MAGEC3: variants seen among roughly 807,000 people sequenced by gnomAD.
The protein encoded by MAGEC3 is MAGE family member C3.
A neutral mutation model predicts 35.3 loss-of-function variants in MAGEC3; 34 were observed. The observed-to-expected ratio is 0.96, with a 90% CI of 0.73 to 1.28. The LOEUF (loss-of-function observed/expected upper bound fraction) is 1.28. Ranked by LOEUF, MAGEC3 falls within the 50% of genes most tolerant of loss-of-function variation. The pLI, the probability that MAGEC3 is intolerant of heterozygous loss-of-function variation, is 0.00. For synonymous variants in MAGEC3, 202 were observed against 185.6 expected (o/e 1.09, Z -0.72); for missense variants, 561 against 483.6 (o/e 1.16, Z -1.50).
chrX:141,848,416 C>T (rs1189642924), intron 1 of MAGEC3, among the ~76,000 whole-genome samples: 1 of 110,791 alleles, frequency 9.0e-6, no homozygotes, highest in Non-Finnish European at 1.9e-5. Flanking sequence ...AACTAATAAA[C>T]GACTTTAGTA....
chrX:141,864,099 C>A (rs1326457387), intron 1 of MAGEC3, among the ~76,000 whole-genome samples: 2 of 110,547 alleles, frequency 1.8e-5, no homozygotes, highest in African/African-American at 6.6e-5. Flanking sequence ...GGATGCACCT[C>A]AATTTGTTAA....
Position 141,880,836 on chromosome X carries a change from T to C in MAGEC3, c.516-567T>C, listed in dbSNP as rs768849072. On this transcript the variant is annotated intron_variant, in intron 3 of 7. Coordinates refer to ENST00000298296, the MANE Select transcript of MAGEC3 (RefSeq NM_138702.1). ...CACCACCTTAAGAGAAGAAGAGCTG[T>C]AAGCCGGCCTTTGTCAGAACCACCA... 1.5e-5 allele frequency: 17 copies of C among 1,132,508 alleles called. No individual in the cohort carries two copies. The South Asian group carries it at 3.0e-4, about 20-fold the overall frequency. 93.3% of individuals were successfully genotyped at this position (1,132,508 alleles called of 1,213,427 possible). A position where few individuals can be genotyped will look rare whatever the true frequency, so the allele number is the denominator to read the frequency against.
chrX:141,884,703 G>C (rs992624336), intron 4 of MAGEC3, among the ~76,000 whole-genome samples: 2 of 111,758 alleles, frequency 1.8e-5, no homozygotes, highest in Non-Finnish European at 3.8e-5. Flanking sequence ...ACTGTTTAGA[G>C]AATTATGCAA....
chrX:141,857,268 G>A (rs139697620), intron 1 of MAGEC3, among the ~76,000 whole-genome samples: 4 of 110,632 alleles, frequency 3.6e-5, no homozygotes, highest in Non-Finnish European at 5.7e-5. Flanking sequence ...TCTGTAAGTA[G>A]TGGCCCAAAT....
rs750027584 is a variant in MAGEC3 at position 141,895,382 on chromosome X, C to T, written c.1023C>T (p.Ser341=). ...EESGLRSAEG[S]VLDLANPQGL... is the part of the protein sequence containing the mutation. The stretch of plus-strand genomic sequence containing the variant: ...CTGGACTCAGGTCAGCAGAGGGAAG[C>T]GTCTTAGACCTGGCCAATCCTCAAG... Residue 341 remains serine (S), a synonymous_variant, in exon 5 of 8, where the codon AGC becomes AGT. Transcript: ENST00000298296. 15 of 1,207,965 alleles carry T rather than the reference C, an allele frequency of 1.2e-5. No homozygotes were observed. The highest frequency in any genetic ancestry group is 1.8e-5 in the African/African-American group (1 of 56,509).
At chrX:141,859,903 TC>T (rs1173653182) in intron 1 of MAGEC3, among the ~76,000 whole-genome samples, 1 of 111,959 alleles carries the variant, frequency 8.9e-6, no homozygotes, top group East Asian at 2.8e-4. Context: ...GCAATACGTG[TC>T]CTATTCTAGC....
intron 2 of MAGEC3, among the ~76,000 whole-genome samples, chrX:141,869,966 C>G (rs1458778080): frequency 1.0e-3 from 114 of 111,536 alleles, no homozygotes; most frequent in African/African-American, 3.5e-3. Flanking sequence ...CTGTTTACCT[C>G]TTTTCCAGAT....
At chrX:141,857,565 GT>G (rs1347989028) in intron 1 of MAGEC3, among the ~76,000 whole-genome samples, 1 of 111,153 alleles carries the variant, frequency 9.0e-6, no homozygotes. Context: ...TGAAGCTTTA[GT>G]TATGGAAACG....
rs974078274 is a variant in MAGEC3, at chrX:141,897,817, C to G, written c.1917C>G (p.Asn639Lys). ...ASASPSVMST[N>K]FCPE is the part of the protein sequence containing the mutation. The stretch of plus-strand genomic sequence containing the variant: ...CAAGCCCCAGTGTCATGTCCACCAA[C>G]TTCTGTCCTGAGTGATGTCTGAAGC... Residue 639 changes from asparagine to lysine, a missense_variant, in exon 8 of 8, where the codon AAC becomes AAG. Physicochemically the swap from Asn to Lys is moderately conservative, Grantham distance 94. Coordinates refer to ENST00000298296, the MANE Select transcript of MAGEC3 (RefSeq NM_138702.1). 2.5e-6 allele frequency: 3 copies of G among 1,195,631 alleles called. No homozygotes were observed. The Admixed American group carries it at 6.7e-5, about 27-fold the overall frequency.
At chrX:141,838,694 C>T (rs1229846356) in intron 1 of MAGEC3, 1 of 752,433 alleles carries the variant, frequency 1.3e-6, no homozygotes, top group Admixed American at 8.8e-5. Context: ...CACTGGGCTC[C>T]AGGACAGTAT....
intron 4 of MAGEC3, among the ~76,000 whole-genome samples, chrX:141,887,713 C>T (rs1436922967): frequency 1.8e-5 from 2 of 112,054 alleles, no homozygotes; most frequent in African/African-American, 3.2e-5. Context: ...AGCTGCCCTG[C>T]CACTTGGGCC....
intron 4 of MAGEC3, among the ~76,000 whole-genome samples, chrX:141,892,512 A>T (rs952561588): frequency 3.6e-5 from 4 of 111,547 alleles, no homozygotes; most frequent in African/African-American, 1.3e-4. Context: ...AATGTTACTG[A>T]CTTTTTTCCT....
intron 1 of MAGEC3, among the ~76,000 whole-genome samples, chrX:141,862,137 A>C (rs1312133072): frequency 9.0e-6 from 1 of 111,648 alleles, no homozygotes; most frequent in Non-Finnish European, 1.9e-5. Context: ...ACGAATACAC[A>C]TTTATCCAAA....
chrX:141,842,829 G>C (rs2017694005), intron 1 of MAGEC3, among the ~76,000 whole-genome samples: 1 of 111,191 alleles, frequency 9.0e-6, no homozygotes, highest in Non-Finnish European at 1.9e-5. Flanking sequence ...TACATTGTTA[G>C]CTATATAACA....
At chrX:141,848,905 C>T (rs1175968178) in intron 1 of MAGEC3, among the ~76,000 whole-genome samples, 1 of 111,256 alleles carries the variant, frequency 9.0e-6, no homozygotes, top group East Asian at 2.8e-4. Flanking sequence ...ATGTCTGTAT[C>T]GAAATATCTC....
At chrX:141,875,466 A>G (rs2017914397) in intron 2 of MAGEC3, among the ~76,000 whole-genome samples, 2 of 111,070 alleles carry the variant, frequency 1.8e-5, no homozygotes, top group Non-Finnish European at 3.8e-5. Flanking sequence ...CATGGCAACT[A>G]TGGTAAATCT....
chrX:141,869,941 G>A (rs1049239470), intron 2 of MAGEC3, among the ~76,000 whole-genome samples: 2 of 111,500 alleles, frequency 1.8e-5, no homozygotes, highest in Middle Eastern at 4.6e-3. Flanking sequence ...ATCTACCTAA[G>A]CATGTTAAAT....
At chrX:141,865,373 C>T in intron 1 of MAGEC3, 98 bp from the exon 2 acceptor site, 1 of 817,893 alleles carries the variant, frequency 1.2e-6, no homozygotes, top group Admixed American at 3.9e-5. Context: ...TGCTTTCACT[C>T]ATCAAGGGAA....
intron 1 of MAGEC3, among the ~76,000 whole-genome samples, chrX:141,854,802 G>A (rs5953632): frequency 0.017 from 1,856 of 111,913 alleles, 40 homozygotes; most frequent in African/African-American, 0.057. Flanking sequence ...ATGTGGACAA[G>A]TCCAAAATTG....
Sources: gnomAD v4.1 joint callset for allele counts (sites outside exome capture counted in the v4.1 genomes callset) on GRCh38, gnomAD v4.1.1 for gene constraint, MANE v1.5 for transcripts, NCBI Gene and HGNC (gene_info 2026-07-23, HGNC 2026-07-21) for gene names.